The following GNL3L variants were observed in gnomAD, a reference collection of about 807,000 sequenced individuals.
The protein encoded by GNL3L is G protein nucleolar 3 like, also known as guanine nucleotide-binding protein-like 3-like protein.
Under a neutral mutation model 42.9 loss-of-function variants are expected in GNL3L, and 4 were observed. The observed-to-expected ratio is 0.09, with a 90% CI of 0.05 to 0.21. The LOEUF (loss-of-function observed/expected upper bound fraction) is 0.21. Ranked by LOEUF, GNL3L falls within the 10% of genes least tolerant of loss-of-function variation. GNL3L has a pLI of 1.00. For synonymous variants in GNL3L, 159 were observed against 176.3 expected, an observed-to-expected ratio of 0.90 and a Z score of 0.78; for missense variants, 412 against 481.7, an observed-to-expected ratio of 0.86 and a Z score of 1.36.
Position 54,551,694 on chromosome X carries a change from C to A in GNL3L, c.990C>A (p.Asp330Glu). The A allele has an allele frequency of 1.7e-6, 2 of 1,211,435 alleles. No homozygotes were observed. Among genetic ancestry groups the A allele is most frequent in the Non-Finnish European group, 2.2e-6 (2 of 895,198 alleles). ...GCGTCCACGTGCAGAAGCTGGCAGA[C>A]CCTGTGACCCCAGTGGAGACCATCC... is the stretch of plus-strand genomic sequence containing the variant. ...RNCVHVQKLA[D>E]PVTPVETILQ... The change falls in exon 11 of 16, where the codon GAC becomes GAA. Residue 330 changes from aspartate (D) to glutamate (E), a missense_variant. Asp to Glu is a conservative substitution (Grantham distance 45, BLOSUM62 2). Coordinates refer to ENST00000360845, the MANE Select transcript of GNL3L (RefSeq NM_001184819.2).
In GNL3L at chrX:54,606,958, C is replaced by A. The variant is rs755964488; in HGVS notation, c.*46-13887C>A. Among the ~76,000 whole-genome samples, 8 of 107,903 alleles carry A rather than the reference C, an allele frequency of 7.4e-5. No individual in the cohort carries two copies. The South Asian group carries it at 3.3e-3, about 45-fold the overall frequency. The allele number at this position is 107,903 out of a possible 115,157, so 93.7% of individuals were successfully genotyped here. On this transcript the variant is annotated intron_variant, in intron 16 of 16. Transcript: ENST00000674498. ...GCCTGACTGTTCTATATATCTTGTT[C>A]TGAGTGATGAAGATTTTTCTTTCTT...
chrX:54,624,041 C>T (rs760399610), downstream of GNL3L, among the ~76,000 whole-genome samples: 1 of 111,074 alleles, frequency 9.0e-6, no homozygotes, highest in African/African-American at 3.3e-5. Context: ...CTCCCTCAGC[C>T]CTCTGAGTAG....
intron 16 of GNL3L, among the ~76,000 whole-genome samples, chrX:54,590,782 T>C (rs1487519222): frequency 3.6e-5 from 4 of 111,254 alleles, no homozygotes; most frequent in Non-Finnish European, 7.5e-5. Flanking sequence ...TATTTATTTA[T>C]TTAGGTCTTA....
At chrX:54,573,231 G>T (rs1206129504) in intron 16 of GNL3L, among the ~76,000 whole-genome samples, 1 of 111,668 alleles carries the variant, frequency 9.0e-6, no homozygotes, top group Admixed American at 9.4e-5. Context: ...CCGAGATCAC[G>T]CCACTGCACT....
intron 16 of GNL3L, among the ~76,000 whole-genome samples, chrX:54,595,556 G>T (rs1453367000): frequency 9.0e-6 from 1 of 111,291 alleles, no homozygotes; most frequent in Non-Finnish European, 1.9e-5. Context: ...TTCCCTTCTA[G>T]TACTTGGTAT....
At chrX:54,613,485 A>AT (rs1200435553) in intron 16 of GNL3L, among the ~76,000 whole-genome samples, 3 of 110,417 alleles carry the variant, frequency 2.7e-5, no homozygotes, top group African/African-American at 6.6e-5. Flanking sequence ...AACTAGTGTG[A>AT]TTTTTTGGGG....
At chrX:54,579,988 T>TTTTTTG (rs1925687260) in intron 16 of GNL3L, among the ~76,000 whole-genome samples, 1 of 84,665 alleles carries the variant, frequency 1.2e-5, no homozygotes, top group African/African-American at 4.4e-5. Context: ...TAAAGTTTGT[T>TTTTTTG]TTTTTTTTTT....
At chrX:54,584,081 ATTT>A (rs36085364) in intron 16 of GNL3L, among the ~76,000 whole-genome samples, 3 of 94,658 alleles carry the variant, frequency 3.2e-5, no homozygotes, top group East Asian at 3.2e-4. Flanking sequence ...TCTTCTAATG[ATTT>A]TTTTTTTTTT....
rs1055967257 is a variant in GNL3L at position 54,565,101 on chromosome X, G to A, written c.*4499G>A. ...ATATGGTATGTAGCATTTTGAGAGC[G>A]ACTTCTTTTGCTATGAGTAATACAT... On this transcript the variant is annotated 3_prime_UTR_variant, in exon 16 of 16. Transcript: ENST00000360845. Among the ~76,000 whole-genome samples, 11 of 111,183 alleles carry A rather than the reference G, an allele frequency of 9.9e-5. No individual in the cohort carries two copies. The highest frequency in any genetic ancestry group is 3.3e-4 in the African/African-American group (10 of 30,583).
chrX:54,625,906 T>C (rs1175230495), downstream of GNL3L, among the ~76,000 whole-genome samples: 1 of 111,300 alleles, frequency 9.0e-6, no homozygotes, highest in Non-Finnish European at 1.9e-5. Context: ...CTTTTATTTT[T>C]AGTTGACAGG....
Position 54,561,880 on chromosome X carries a change from A to G in GNL3L, c.*1278A>G, listed in dbSNP as rs773065861. Among the ~76,000 whole-genome samples, 1 of 112,142 alleles carries G rather than the reference A, an allele frequency of 8.9e-6. No homozygotes were observed. Among genetic ancestry groups the G allele is most frequent in the East Asian group, 2.8e-4 (1 of 3,547 alleles). ...CCATCAGACAAGGGCAGTGAGCCCA[A>G]GCAGTGCCAGAGGCCCTCAGAAAGG... On this transcript the variant is annotated 3_prime_UTR_variant, in exon 16 of 16. Transcript: ENST00000360845.
At position 54,558,662 on chromosome X, in the gene GNL3L, GC is replaced by G; in HGVS notation, c.1666+11del. ...AAGATGCAGAAACGTGCAGGTGGGA[GC>G]CCCAGACCAACCCTGTGCTCTGAAA... On this transcript the variant is annotated splice_region_variant and intron_variant, in intron 15 of 15. Coordinates refer to ENST00000360845, the MANE Select transcript of GNL3L (RefSeq NM_001184819.2). The G allele has an allele frequency of 8.6e-7, 1 of 1,156,318 alleles. No individual in the cohort carries two copies. The highest frequency in any genetic ancestry group is 1.2e-6 in the Non-Finnish European group (1 of 850,368).
intron 12 of GNL3L, 67 bp from the exon 13 acceptor site, chrX:54,552,225 C>T (rs968081429): frequency 4.5e-6 from 5 of 1,101,857 alleles, no homozygotes; most frequent in East Asian, 3.0e-5. Context: ...GCAAACTCAT[C>T]GTCTCTTGGA....
chrX:54,536,878 C>T (rs189240049), intron 2 of GNL3L, among the ~76,000 whole-genome samples: 5 of 109,296 alleles, frequency 4.6e-5, no homozygotes, highest in African/African-American at 1.7e-4. Flanking sequence ...GAAAGAAAGG[C>T]AAGTGGTAAT....
the GNL3L span, among the ~76,000 whole-genome samples, chrX:54,635,714 T>C: frequency 9.3e-6 from 1 of 108,094 alleles, no homozygotes; most frequent in African/African-American, 3.4e-5. Flanking sequence ...TTTGATAGGA[T>C]TTCCTTGAAT....
At chrX:54,560,184 G>T (rs1217557674) in intron 15 of GNL3L, among the ~76,000 whole-genome samples, 1 of 111,580 alleles carries the variant, frequency 9.0e-6, no homozygotes, top group South Asian at 3.7e-4. Context: ...TGCTGTGAGA[G>T]CTTTGTTTTG....
Position 54,548,304 on chromosome X carries a change from C to A in GNL3L, c.706C>A (p.Leu236Ile). ...KSKACFGAENLMRVLGNYCRL... is the reference protein window; with the variant it reads ...KSKACFGAENIMRVLGNYCRL... ...CAAAGCCTGCTTTGGAGCTGAAAAC[C>A]TCATGAGGGTTCTGGGGAACTATTG... Residue 236 changes from leucine to isoleucine, a missense_variant, in exon 9 of 16, where the codon CTC becomes ATC. Physicochemically the swap from Leu to Ile is conservative, Grantham distance 5. Transcript: ENST00000360845. 1 of 1,204,393 alleles carries A rather than the reference C, an allele frequency of 8.3e-7. No homozygotes were observed. Among genetic ancestry groups the A allele is most frequent in the South Asian group, 1.8e-5 (1 of 56,658 alleles).
At chrX:54,571,170 T>A (rs1925537504), downstream of GNL3L, among the ~76,000 whole-genome samples, 1 of 108,311 alleles carries the variant, frequency 9.2e-6, no homozygotes, top group Non-Finnish European at 1.9e-5. Flanking sequence ...TTCTCAATTA[T>A]GTTGTTTCTA....
intron 16 of GNL3L, among the ~76,000 whole-genome samples, chrX:54,596,571 G>A (rs902656540): frequency 1.8e-5 from 2 of 112,112 alleles, no homozygotes; most frequent in Non-Finnish European, 3.8e-5. Context: ...GCCAATGTTC[G>A]ATCAAAGCCC....
Sources: gnomAD v4.1 joint callset for allele counts (sites outside exome capture counted in the v4.1 genomes callset) on GRCh38, gnomAD v4.1.1 for gene constraint, MANE v1.5 for transcripts, NCBI Gene and HGNC (gene_info 2026-07-23, HGNC 2026-07-21) for gene names.